SSU72: variants seen among roughly 807,000 people sequenced by gnomAD.
The protein encoded by SSU72 is SSU72 homolog, RNA polymerase II CTD phosphatase.
Under a neutral mutation model 22.7 loss-of-function variants are expected in SSU72, and 12 were observed. The ratio of observed to expected loss-of-function variants is 0.53; its 90% CI spans 0.34 to 0.86. The LOEUF (loss-of-function observed/expected upper bound fraction) is 0.86. Ranked by LOEUF, SSU72 falls within the 40% of genes least tolerant of loss-of-function variation. The pLI, the probability that SSU72 is intolerant of heterozygous loss-of-function variation, is 0.02. For missense variants in SSU72, 151 were observed against 249.8 expected (o/e 0.60, Z 2.67); for synonymous variants, 116 against 98.3 (o/e 1.18, Z -1.06).
At chr1:1,551,422 A>G (rs1410468316) in intron 2 of SSU72, among the ~76,000 whole-genome samples, 13 of 152,250 alleles carry the variant, frequency 8.5e-5, no homozygotes. Flanking sequence ...TTCTCCCCAA[A>G]TCACAGCACC....
Position 1,542,218 on chromosome 1 carries a change from TC to T in SSU72, c.484-52del. The stretch of plus-strand genomic sequence containing the variant: ...GCCTTGCCCACTCCTGCCTGTCTGC[TC>T]CCCCTAACACCTGGATCGCCAGGGA... On this transcript the variant is annotated intron_variant, in intron 4 of 4. Coordinates refer to ENST00000291386, the MANE Select transcript of SSU72 (RefSeq NM_014188.3). This position sits in a 1 kb window ranked among gnomAD's most constrained non-coding sequence, Gnocchi z 4.4. 2 of 1,518,508 alleles carry T rather than the reference TC, an allele frequency of 1.3e-6. No individual in the cohort carries two copies. Among genetic ancestry groups the T allele is most frequent in the Non-Finnish European group, 1.8e-6 (2 of 1,117,092 alleles). The allele number at this position is 1,518,508 out of a possible 1,614,324, so 94.1% of individuals were successfully genotyped here. A position where few individuals can be genotyped will look rare whatever the true frequency, so the allele number is the denominator to read the frequency against.
At chr1:1,551,207 A>C (rs1386252219) in intron 2 of SSU72, among the ~76,000 whole-genome samples, 1 of 152,212 alleles carries the variant, frequency 6.6e-6, no homozygotes, top group East Asian at 1.9e-4. Flanking sequence ...GAAGCCACAC[A>C]CGTCTCCCAG....
intron 1 of SSU72, among the ~76,000 whole-genome samples, chr1:1,570,725 C>T (rs1164152392): frequency 6.6e-6 from 1 of 152,228 alleles, no homozygotes; most frequent in African/African-American, 2.4e-5. Flanking sequence ...AGAACAAGAG[C>T]TTATCCCCGA....
chr1:1,570,793 C>T (rs1642719174), intron 1 of SSU72, among the ~76,000 whole-genome samples: 1 of 152,224 alleles, frequency 6.6e-6, no homozygotes, highest in Non-Finnish European at 1.5e-5. Context: ...TGAGAGACCA[C>T]TTTCATTTTC....
rs963253576 is a variant in SSU72, at chr1:1,574,606, C to T, written c.-49G>A. The T allele has an allele frequency of 6.6e-7, 1 of 1,526,446 alleles. No individual in the cohort carries two copies. The allele number at this position is 1,526,446 out of a possible 1,614,324, so 94.6% of individuals were successfully genotyped here. A position where few individuals can be genotyped will look rare whatever the true frequency, so the allele number is the denominator to read the frequency against. Reference sequence around the variant, plus strand: ...CTCTCCCGCTTGGGTTCCCACCCTACCGCGGCGCTTCCGCGCGAACAAAAT... The same window carrying T: ...CTCTCCCGCTTGGGTTCCCACCCTATCGCGGCGCTTCCGCGCGAACAAAAT... On this transcript the variant is annotated 5_prime_UTR_variant, in exon 1 of 5. Transcript: ENST00000291386.
At chr1:1,558,702 G>T (rs1642550035) in intron 2 of SSU72, among the ~76,000 whole-genome samples, 1 of 142,628 alleles carries the variant, frequency 7.0e-6, no homozygotes, top group Admixed American at 7.1e-5. Flanking sequence ...ACCTTCTCAT[G>T]TGGCTGAATG....
chr1:1,567,323 T>C (rs1240551029), intron 1 of SSU72, among the ~76,000 whole-genome samples: 4 of 152,042 alleles, frequency 2.6e-5, no homozygotes, highest in Non-Finnish European at 4.4e-5. Context: ...CTTACATCCC[T>C]AGATATTCCG....
At position 1,554,086 on chromosome 1, in the gene SSU72, AG is replaced by A. The variant is rs1642487681; in HGVS notation, c.225-9085del. 6.6e-6 allele frequency among the ~76,000 whole-genome samples: 1 copy of A among 152,238 alleles called. No homozygotes were observed. Among genetic ancestry groups the A allele is most frequent in the African/African-American group, 2.4e-5 (1 of 41,464 alleles). ...CCAGGGCCTCTAAAGAGAAACGAGG[AG>A]GAAGTGCAGCTCCAGGGAGTGGAGC... On this transcript the variant is annotated intron_variant, in intron 2 of 4. Coordinates refer to ENST00000291386, the MANE Select transcript of SSU72 (RefSeq NM_014188.3). The surrounding 1 kb of genome is among the most constrained non-coding windows in gnomAD (Gnocchi z 4.1).
chr1:1,548,359 C>A (rs1642418213), intron 2 of SSU72, among the ~76,000 whole-genome samples: 1 of 152,162 alleles, frequency 6.6e-6, no homozygotes. Flanking sequence ...GAGTTTGAGA[C>A]CAGCCTGGCC....
intron 1 of SSU72, among the ~76,000 whole-genome samples, chr1:1,568,334 T>C (rs1006581268): frequency 6.6e-6 from 1 of 152,176 alleles, no homozygotes; most frequent in Non-Finnish European, 1.5e-5. Flanking sequence ...TCAGAGGGCT[T>C]GTAATCCCAG....
chr1:1,560,607 C>T (rs1002358742), intron 2 of SSU72, among the ~76,000 whole-genome samples: 8 of 152,282 alleles, frequency 5.3e-5, no homozygotes, highest in African/African-American at 1.7e-4. Flanking sequence ...CAGTCTCTAA[C>T]TTATTATGGC....
intron 2 of SSU72, chr1:1,564,412 C>A: frequency 1.4e-6 from 2 of 1,429,038 alleles, no homozygotes; most frequent in Non-Finnish European, 1.8e-6. Context: ...GCACGCACAC[C>A]AACCTGCAAA....
chr1:1,574,376 G>A, intron 1 of SSU72, 102 bp downstream of exon 1: 7 of 1,305,510 alleles, frequency 5.4e-6, no homozygotes, highest in Non-Finnish European at 6.3e-6. Flanking sequence ...GGCCCGGCCC[G>A]GCTTCCTCTC....
At chr1:1,556,417 G>T (rs772985375) in intron 2 of SSU72, among the ~76,000 whole-genome samples, 1 of 152,054 alleles carries the variant, frequency 6.6e-6, no homozygotes, top group South Asian at 2.1e-4. Context: ...GGGGGCGCCC[G>T]TAATCCCAGC....
At chr1:1,553,018 CAAAA>C (rs35241878) in intron 2 of SSU72, among the ~76,000 whole-genome samples, 5 of 93,816 alleles carry the variant, frequency 5.3e-5, no homozygotes, top group South Asian at 3.2e-4. Flanking sequence ...GAGACTGTCT[CAAAA>C]AAAAAAAAAA....
chr1:1,572,419 C>T (rs566494826), intron 1 of SSU72, among the ~76,000 whole-genome samples: 246 of 149,452 alleles, frequency 1.6e-3, no homozygotes, highest in Non-Finnish European at 2.9e-3. Flanking sequence ...CAGACTCCCC[C>T]TCAAGAAAAA....
chr1:1,573,323 G>T (rs930927110), intron 1 of SSU72, among the ~76,000 whole-genome samples: 1 of 151,166 alleles, frequency 6.6e-6, no homozygotes, highest in Non-Finnish European at 1.5e-5. Flanking sequence ...CCAGCTACTC[G>T]GGAGGCTGAG....
At chr1:1,548,674 C>G (rs1407469114) in intron 2 of SSU72, among the ~76,000 whole-genome samples, 1 of 152,208 alleles carries the variant, frequency 6.6e-6, no homozygotes, top group East Asian at 1.9e-4. Context: ...CCCTCCCCTG[C>G]CCTGGCTTCC....
Position 1,558,194 on chromosome 1 carries a change from C to G in SSU72, c.224+6579G>C, listed in dbSNP as rs542998136. 2.1e-4 allele frequency among the ~76,000 whole-genome samples: 27 copies of G among 131,626 alleles called. 1 individual carries two copies. In the South Asian group the frequency reaches 3.4e-3, roughly 16 times the overall value. The allele number at this position is 131,626 out of a possible 152,430, so 86.4% of individuals were successfully genotyped here. On this transcript the variant is annotated intron_variant, in intron 2 of 4. Transcript: ENST00000291386. ...CCAGCCTGGGCAACAGAGTGAGACT[C>G]TGTCTCAATTAAAAAAAAAAAAAAA...
Sources: gnomAD v4.1 joint callset for allele counts (sites outside exome capture counted in the v4.1 genomes callset) on GRCh38, gnomAD v4.1.1 for gene constraint, Gnocchi (gnomAD v3.1) non-coding constraint, MANE v1.5 for transcripts, NCBI Gene and HGNC (gene_info 2026-07-23, HGNC 2026-07-21) for gene names.